Variants in HTATSF1 observed in about 807,000 individuals in gnomAD.
HTATSF1 encodes 17S U2 SnRNP complex component HTATSF1.
In HTATSF1, 6 loss-of-function variants were observed where a neutral mutation model predicts 46.1. The ratio of observed to expected loss-of-function variants is 0.13; its 90% CI spans 0.07 to 0.26. The LOEUF is 0.26. Among genes scored for constraint, HTATSF1 ranks in the 10% least tolerant of loss-of-function variants. The probability of loss-of-function intolerance (pLI) is 1.00; values close to 1 mark genes in which losing one functional copy is unlikely to be tolerated. For synonymous variants in HTATSF1, 226 were observed against 211.5 expected (o/e 1.07, Z -0.60); for missense variants, 452 against 559.9 (o/e 0.81, Z 1.94).
chrX:136,500,553 A>G (rs2075713421), intron 3 of HTATSF1, 111 bp from the exon 4 acceptor site: 1 of 519,053 alleles, frequency 1.9e-6, no homozygotes, highest in South Asian at 4.2e-5. Context: ...ACATACATTT[A>G]GAAAATCAAC....
intron 4 of HTATSF1, among the ~76,000 whole-genome samples, chrX:136,501,550 A>G (rs973188339): frequency 1.8e-5 from 2 of 112,609 alleles, no homozygotes; most frequent in Admixed American, 9.4e-5. Context: ...CATTTCTGGA[A>G]CACCTGCCAC....
At chrX:136,502,984 G>C (rs1422055851) in intron 5 of HTATSF1, 43 bp downstream of exon 5, 1 of 944,965 alleles carries the variant, frequency 1.1e-6, no homozygotes, top group African/African-American at 2.0e-5. Context: ...ATATATTCTA[G>C]AGTATATTTT....
chrX:136,497,457 C>G (rs1360625758), upstream of HTATSF1: 2 of 166,565 alleles, frequency 1.2e-5, no homozygotes, highest in African/African-American at 3.1e-5. Flanking sequence ...GCGGCGCGGC[C>G]GAGCTCACAG....
At position 136,509,146 on chromosome X, in the gene HTATSF1, A is replaced by C. The variant is rs781753448; in HGVS notation, c.890A>C (p.Lys297Thr). 1 of 1,205,291 alleles carries C rather than the reference A, an allele frequency of 8.3e-7. No homozygotes were observed. Among genetic ancestry groups the C allele is most frequent in the South Asian group, 1.8e-5 (1 of 56,805 alleles). The change falls in exon 7 of 9, where the codon AAG (lysine) becomes ACG (threonine). Residue 297 changes from lysine (K) to threonine (T), a missense_variant. Transcript: ENST00000218364. ...GAAGACCTTCGAGTAGAGTGTTCGAAGTTTGGACAAATTAGGAAACTCCTT... is the reference window on the plus strand; with the variant it reads ...GAAGACCTTCGAGTAGAGTGTTCGACGTTTGGACAAATTAGGAAACTCCTT... The part of the protein sequence containing the change: ...IREDLRVECS[K>T]FGQIRKLLLF...
At chrX:136,508,169 T>A (rs903046651) in intron 6 of HTATSF1, among the ~76,000 whole-genome samples, 2 of 112,709 alleles carry the variant, frequency 1.8e-5, no homozygotes, top group Admixed American at 1.9e-4. Context: ...CTATAGTTCC[T>A]CTTTAGCTGA....
chrX:136,505,443 T>C (rs984188579), intron 6 of HTATSF1, among the ~76,000 whole-genome samples: 1 of 111,935 alleles, frequency 8.9e-6, no homozygotes, highest in African/African-American at 3.3e-5. Flanking sequence ...ATTGGAAATA[T>C]ACGTCTGGTT....
At chrX:136,497,342 T>TCGGCGGCGG (rs748874736), upstream of HTATSF1, 3 of 115,141 alleles carry the variant, frequency 2.6e-5, no homozygotes, top group African/African-American at 6.5e-5. Flanking sequence ...TCAGATCCGG[T>TCGGCGGCGG]CGGCGGCGGC....
intron 6 of HTATSF1, among the ~76,000 whole-genome samples, chrX:136,507,819 C>G (rs768394673): frequency 9.0e-6 from 1 of 111,059 alleles, no homozygotes; most frequent in Non-Finnish European, 1.9e-5. Flanking sequence ...TGTGAGGTAT[C>G]TGAAACTCAA....
intron 1 of HTATSF1, among the ~76,000 whole-genome samples, chrX:136,498,931 C>A (rs1361163439): frequency 8.9e-6 from 1 of 112,898 alleles, no homozygotes. Context: ...AACTATATTT[C>A]TTTCGTTTTG....
chrX:136,500,936 A>G lies in HTATSF1; in HGVS notation c.570+118A>G, dbSNP rs1569353240. 9.1e-6 allele frequency: 4 copies of G among 441,677 alleles called. No individual in the cohort carries two copies. The East Asian group carries it at 1.7e-4, about 18-fold the overall frequency. 36.4% of individuals were successfully genotyped at this position (441,677 alleles called of 1,213,427 possible). A position where few individuals can be genotyped will look rare whatever the true frequency, so the allele number is the denominator to read the frequency against. Reference sequence around the variant, plus strand: ...ACTGTTCAAAACAGGATATGAAGAAAACTGAAATTTCAGTTAGTACCTGTG... The same window carrying G: ...ACTGTTCAAAACAGGATATGAAGAAGACTGAAATTTCAGTTAGTACCTGTG... On this transcript the variant is annotated intron_variant, in intron 4 of 8. Transcript: ENST00000218364.
chrX:136,510,011 C>G (rs1367424886), intron 7 of HTATSF1, 71 bp from the exon 8 acceptor site: 9 of 1,010,082 alleles, frequency 8.9e-6, no homozygotes, highest in Non-Finnish European at 1.1e-5. Flanking sequence ...TACTTACCTA[C>G]TTTGTGAAAT....
At chrX:136,510,287 C>G (rs2075761442) in intron 8 of HTATSF1, 68 bp downstream of exon 8, 2 of 1,030,542 alleles carry the variant, frequency 1.9e-6, no homozygotes, top group Non-Finnish European at 2.6e-6. Context: ...TCCTTCAGAT[C>G]TAAATTTTGG....
Position 136,512,040 on chromosome X carries a change from G to C in HTATSF1, c.*27G>C, listed in dbSNP as rs3027850. 2,947 of 1,167,143 alleles carry C rather than the reference G, an allele frequency of 2.5e-3. 34 individuals carry two copies. In the African/African-American group the frequency reaches 0.039, roughly 15 times the overall value. On this transcript the variant is annotated 3_prime_UTR_variant, in exon 9 of 9. Transcript: ENST00000218364. ...CCCTTAAACTTGCTTTTTAGGGAGAGTCCTCCATCTACATTTGCCTGTGCT... is the reference window on the plus strand; with the variant it reads ...CCCTTAAACTTGCTTTTTAGGGAGACTCCTCCATCTACATTTGCCTGTGCT...
rs180824993 is a variant in HTATSF1 at position 136,511,936 on chromosome X, G to A, written c.2191G>A (p.Gly731Arg). 2 of 1,209,544 alleles carry A rather than the reference G, an allele frequency of 1.7e-6. No homozygotes were observed. The highest frequency in any genetic ancestry group is 3.5e-5 in the African/African-American group (2 of 57,087). The change falls in exon 9 of 9, where the codon GGG (glycine) becomes AGG (arginine). Residue 731 changes from glycine to arginine, a missense_variant. By Grantham distance (125) the Gly-to-Arg change is moderately radical (BLOSUM62 -2). Coordinates refer to ENST00000218364, the MANE Select transcript of HTATSF1 (RefSeq NM_014500.5). Reference protein sequence around the residue: ...SDERGTLGGFGSVEEGPLSTG... With the variant: ...SDERGTLGGFRSVEEGPLSTG... ...TGAGAGGGGGACTTTGGGTGGTTTTGGGAGTGTTGAAGAAGGGCCCCTATC... is the reference window on the plus strand; with the variant it reads ...TGAGAGGGGGACTTTGGGTGGTTTTAGGAGTGTTGAAGAAGGGCCCCTATC...
At position 136,504,478 on chromosome X, in the gene HTATSF1, GCTTA is replaced by G; in HGVS notation, c.834+18_834+21del. 8.8e-7 allele frequency: 1 copy of G among 1,140,522 alleles called. No homozygotes were observed. Among genetic ancestry groups the G allele is most frequent in the South Asian group, 1.9e-5 (1 of 53,097 alleles). 94.0% of individuals were successfully genotyped at this position (1,140,522 alleles called of 1,213,427 possible). A position where few individuals can be genotyped will look rare whatever the true frequency, so the allele number is the denominator to read the frequency against. ...TGGATTTTGAGGTAGGAAGTGGTGT[GCTTA>G]CTGATAGAAATGCTGATAGGCTTTT... On this transcript the variant is annotated intron_variant, in intron 6 of 8. Transcript: ENST00000218364.
intron 6 of HTATSF1, among the ~76,000 whole-genome samples, chrX:136,507,803 A>AT (rs2075749344): frequency 9.0e-6 from 1 of 111,123 alleles, no homozygotes; most frequent in South Asian, 3.7e-4. Flanking sequence ...AGTCTGTGCT[A>AT]TTTTCTGTGA....
intron 6 of HTATSF1, among the ~76,000 whole-genome samples, 187 bp from the exon 7 acceptor site, chrX:136,508,904 A>G (rs1289409293): frequency 8.9e-6 from 1 of 112,653 alleles, no homozygotes; most frequent in Admixed American, 9.4e-5. Flanking sequence ...AACCTATAGG[A>G]GTAGCAGTGT....
At position 136,500,781 on chromosome X, in the gene HTATSF1, G is replaced by A; in HGVS notation, c.533G>A (p.Gly178Glu). Residue 178 changes from glycine to glutamate, a missense_variant, in exon 4 of 9, where the codon GGA becomes GAA. Gly to Glu is a moderately conservative substitution (Grantham distance 98). Transcript: ENST00000218364. ...GTCAAACTTTACAAAGATAATCAAG[G>A]AAATCTTAAAGGAGACGGTCTTTGC... ...FKVKLYKDNQ[G>E]NLKGDGLCCY... 8.7e-7 allele frequency: 1 copy of A among 1,143,920 alleles called. No homozygotes were observed. The highest frequency in any genetic ancestry group is 2.9e-5 in the Admixed American group (1 of 34,506). 94.3% of individuals were successfully genotyped at this position (1,143,920 alleles called of 1,213,427 possible). A position where few individuals can be genotyped will look rare whatever the true frequency, so the allele number is the denominator to read the frequency against.
intron 5 of HTATSF1, among the ~76,000 whole-genome samples, 157 bp from the exon 6 acceptor site, chrX:136,504,207 C>G (rs2075731960): frequency 8.9e-6 from 1 of 112,498 alleles, no homozygotes; most frequent in Admixed American, 9.4e-5. Context: ...AGTTTTCTGA[C>G]TGGAACTATG....
Sources: gnomAD v4.1 joint callset for allele counts (sites outside exome capture counted in the v4.1 genomes callset) on GRCh38, gnomAD v4.1.1 for gene constraint, MANE v1.5 for transcripts, NCBI Gene and HGNC (gene_info 2026-07-23, HGNC 2026-07-21) for gene names.